The following ANLN variants were observed in gnomAD, a reference collection of about 807,000 sequenced individuals.
The protein encoded by ANLN is anillin, actin binding protein, also known as anillin.
In ANLN, 59 loss-of-function variants were observed where a neutral mutation model predicts 135.1. That is an observed-to-expected ratio of 0.44 (90% CI 0.35 to 0.54). ANLN has a LOEUF of 0.54. Among genes scored for constraint, ANLN ranks in the 20% least tolerant of loss-of-function variants. ANLN has a pLI of 0.00. For missense variants in ANLN, 1,182 were observed against 1,340.0 expected, an observed-to-expected ratio of 0.88 and a Z score of 1.84; for synonymous variants, 406 against 456.4, an observed-to-expected ratio of 0.89 and a Z score of 1.41.
chr7:36,443,561 G>A (rs1459775683), intron 21 of ANLN, among the ~76,000 whole-genome samples, 194 bp from the exon 22 acceptor site: 2 of 152,104 alleles, frequency 1.3e-5, no homozygotes, highest in African/African-American at 4.8e-5. Context: ...TGTAGATGAT[G>A]TTGAAGTAAA....
rs117415578 is a variant in ANLN at position 36,437,035 on chromosome 7, A to G, written c.2884-2169A>G. 8.8e-4 allele frequency among the ~76,000 whole-genome samples: 134 copies of G among 152,302 alleles called. No homozygotes were observed. The East Asian group carries it at 0.01, about 11-fold the overall frequency. ...TTATCTTTTGAAGAAATTTTTAAGT[A>G]TACAGTGAATTATTGTGAACTATAA... is the stretch of plus-strand genomic sequence containing the variant. On this transcript the variant is annotated intron_variant, in intron 20 of 23. Transcript: ENST00000265748.
chr7:36,450,035 C>T (rs1789181629), intron 23 of ANLN, among the ~76,000 whole-genome samples, 198 bp downstream of exon 23: 2 of 152,300 alleles, frequency 1.3e-5, no homozygotes, highest in African/African-American at 4.8e-5. Context: ...GTATAATACT[C>T]AGGTTGTATC....
Position 36,407,829 on chromosome 7 carries a change from T to G in ANLN, c.969T>G (p.Ser323Arg). Reference sequence around the variant, plus strand: ...AGCTACTTCCAAAAACTCCTATTAGTCCTCTGAAAACGGGGGTATCGAAAC... The same window carrying G: ...AGCTACTTCCAAAAACTCCTATTAGGCCTCTGAAAACGGGGGTATCGAAAC... Reference protein sequence around the residue: ...NPELLPKTPISPLKTGVSKPI... With the variant: ...NPELLPKTPIRPLKTGVSKPI... The change falls in exon 5 of 24, where the codon AGT becomes AGG. Residue 323 changes from serine to arginine, a missense_variant. Ser to Arg is a moderately radical substitution (Grantham distance 110). Around this residue, in one of 3 missense-constraint regions of ANLN, gnomAD observed 1,022 missense variants for 1,134.0 expected, o/e 0.90. Coordinates refer to ENST00000265748, the MANE Select transcript of ANLN (RefSeq NM_018685.5). 1 of 1,613,792 alleles carries G rather than the reference T, an allele frequency of 6.2e-7. No homozygotes were observed. Among genetic ancestry groups the G allele is most frequent in the Non-Finnish European group, 8.5e-7 (1 of 1,179,790 alleles).
In ANLN at chr7:36,396,283, C is replaced by A; in HGVS notation, c.36C>A (p.Thr12=). The A allele has an allele frequency of 6.2e-7, 1 of 1,603,262 alleles. No individual in the cohort carries two copies. The highest frequency in any genetic ancestry group is 8.5e-7 in the Non-Finnish European group (1 of 1,172,810). Residue 12 remains threonine (T), a synonymous_variant, in exon 2 of 24, where the codon ACC becomes ACA. Coordinates refer to ENST00000265748, the MANE Select transcript of ANLN (RefSeq NM_018685.5). ...DPFTEKLLER[T]RARRENLQRK... is the part of the protein sequence containing the mutation. Reference sequence around the variant, plus strand: ...TTATGTAGAAACTGCTGGAGCGAACCCGTGCCAGGCGAGAGAATCTTCAGA... The same window carrying A: ...TTATGTAGAAACTGCTGGAGCGAACACGTGCCAGGCGAGAGAATCTTCAGA...
At position 36,398,354 on chromosome 7, in the gene ANLN, T is replaced by G. The variant is rs189202614; in HGVS notation, c.173-725T>G. Among the ~76,000 whole-genome samples the G allele has an allele frequency of 6.3e-4, 96 of 152,302 alleles. No individual in the cohort carries two copies. In the East Asian group the frequency reaches 8.3e-3, roughly 13 times the overall value. Reference sequence around the variant, plus strand: ...AGCCAATTGCCCTTCTAACCATGCTTATTAGTTATTTTCCATGAAAGAATG... The same window carrying G: ...AGCCAATTGCCCTTCTAACCATGCTGATTAGTTATTTTCCATGAAAGAATG... On this transcript the variant is annotated intron_variant, in intron 2 of 23. Coordinates refer to ENST00000265748, the MANE Select transcript of ANLN (RefSeq NM_018685.5).
rs1583670668 is a variant in ANLN, at chr7:36,453,559, C to T, written c.*959C>T. The stretch of plus-strand genomic sequence containing the variant: ...TTAAGTCACCTATCACCTTTAAACG[C>T]CTTTTTTTAAAATTATAAAATATTG... On this transcript the variant is annotated 3_prime_UTR_variant, in exon 24 of 24. Transcript: ENST00000265748. 6.6e-6 allele frequency: 1 copy of T among 152,192 alleles called. No homozygotes were observed. The highest frequency in any genetic ancestry group is 1.9e-4 in the East Asian group (1 of 5,186). 9.4% of individuals were successfully genotyped at this position (152,192 alleles called of 1,614,324 possible).
At position 36,415,769 on chromosome 7, in the gene ANLN, T is replaced by C; in HGVS notation, c.1407T>C (p.Cys469=). ...TTCGCTTTTTGCAGGAAACTCACTG[T>C]CAGAGCACTCCCCTCAAAAAACACC... ...KQLETKQETH[C]QSTPLKKHQG... is the part of the protein sequence containing the mutation. The change falls in exon 8 of 24, where the codon TGT becomes TGC. Residue 469 remains cysteine (C), a synonymous_variant. Coordinates refer to ENST00000265748, the MANE Select transcript of ANLN (RefSeq NM_018685.5). 1 of 1,595,614 alleles carries C rather than the reference T, an allele frequency of 6.3e-7. No individual in the cohort carries two copies. Among genetic ancestry groups the C allele is most frequent in the South Asian group, 1.2e-5 (1 of 86,704 alleles).
chr7:36,425,154 CT>C (rs111534943), intron 17 of ANLN, among the ~76,000 whole-genome samples: 63 of 146,566 alleles, frequency 4.3e-4, no homozygotes, highest in Middle Eastern at 3.5e-3. Context: ...ATTTTAAAAA[CT>C]TTTTTTTTTT....
intron 2 of ANLN, 39 bp from the exon 3 acceptor site, chr7:36,399,040 T>C (rs1483879102): frequency 6.5e-7 from 1 of 1,532,396 alleles, no homozygotes; most frequent in East Asian, 2.3e-5. Context: ...TGTGAGAAAT[T>C]ACAAATTTGA....
intron 3 of ANLN, among the ~76,000 whole-genome samples, chr7:36,399,798 A>G (rs191880450): frequency 2.0e-5 from 3 of 152,330 alleles, no homozygotes; most frequent in Non-Finnish European, 4.4e-5. Context: ...GAGAAATAAA[A>G]TGTCAAAAAA....
chr7:36,435,599 C>T (rs543194550), intron 20 of ANLN, among the ~76,000 whole-genome samples: 2 of 152,078 alleles, frequency 1.3e-5, no homozygotes, highest in East Asian at 1.9e-4. Context: ...CATGGCCGGG[C>T]GCGGTGGCTC....
Position 36,424,525 on chromosome 7 carries a change from T to C in ANLN, c.2604-20T>C, listed in dbSNP as rs569069887. On this transcript the variant is annotated intron_variant, in intron 15 of 23. Transcript: ENST00000265748. ...TTGAGGTTTTCTCTCAAGGTTTTAC[T>C]TAATGCTTTATTTTTCCAGGCAAGA... 6.3e-7 allele frequency: 1 copy of C among 1,585,762 alleles called. No homozygotes were observed. Among genetic ancestry groups the C allele is most frequent in the East Asian group, 2.3e-5 (1 of 44,344 alleles).
chr7:36,437,125 G>A (rs1483286567), intron 20 of ANLN, among the ~76,000 whole-genome samples: 3 of 152,044 alleles, frequency 2.0e-5, no homozygotes, highest in Admixed American at 1.3e-4. Context: ...TTCTGTACTC[G>A]TGGAACTGCA....
Position 36,447,518 on chromosome 7 carries a change from G to A in ANLN, c.3079-2147G>A, listed in dbSNP as rs373325220. Among the ~76,000 whole-genome samples, 12 of 144,266 alleles carry A rather than the reference G, an allele frequency of 8.3e-5. No individual in the cohort carries two copies. The East Asian group carries it at 1.8e-3, about 21-fold the overall frequency. 94.6% of individuals were successfully genotyped at this position (144,266 alleles called of 152,430 possible). ...CGGCTCACTGCAAGCACCGCCTCCCGGGTTCACGCCATTCTCCTGCCTTAG... is the reference window on the plus strand; with the variant it reads ...CGGCTCACTGCAAGCACCGCCTCCCAGGTTCACGCCATTCTCCTGCCTTAG... On this transcript the variant is annotated intron_variant, in intron 22 of 23. Coordinates refer to ENST00000265748, the MANE Select transcript of ANLN (RefSeq NM_018685.5).
intron 19 of ANLN, 110 bp from the exon 20 acceptor site, chr7:36,426,806 T>C: frequency 1.9e-6 from 1 of 531,694 alleles, no homozygotes; most frequent in Non-Finnish European, 3.2e-6. Context: ...AGGCAGTTTT[T>C]TTTTCTCTGT....
At chr7:36,432,651 G>C (rs1583642547) in intron 20 of ANLN, among the ~76,000 whole-genome samples, 2 of 152,228 alleles carry the variant, frequency 1.3e-5, no homozygotes, top group East Asian at 3.9e-4. Context: ...TTTGTTATTT[G>C]TTTTCTATTT....
intron 21 of ANLN, 121 bp from the exon 22 acceptor site, chr7:36,443,634 C>G: frequency 1.7e-6 from 1 of 592,536 alleles, no homozygotes. Flanking sequence ...AAAAAACATA[C>G]AAATAGGTTT....
rs981004641 is a variant in ANLN at position 36,419,468 on chromosome 7, G to T, written c.1858G>T (p.Val620Leu). The change falls in exon 10 of 24, where the codon GTA becomes TTA. Residue 620 changes from valine to leucine, a missense_variant. Around this residue, in one of 3 missense-constraint regions of ANLN, gnomAD observed 1,022 missense variants for 1,134.0 expected, o/e 0.90. Coordinates refer to ENST00000265748, the MANE Select transcript of ANLN (RefSeq NM_018685.5). ...ACCATTGGCACAAACAGTTGGTGTG[G>T]TAAGTCCAGAGGTAAGAAAAGGCTA... is the stretch of plus-strand genomic sequence containing the variant. ...LAPLAQTVGV[V>L]SPESLVSTPR... is the part of the protein sequence containing the mutation. The T allele has an allele frequency of 1.2e-6, 2 of 1,613,214 alleles. No individual in the cohort carries two copies. The highest frequency in any genetic ancestry group is 1.7e-6 in the Non-Finnish European group (2 of 1,179,940).
Position 36,425,996 on chromosome 7 carries a change from CCT to C in ANLN, c.2749-18_2749-17del. The C allele has an allele frequency of 1.4e-6, 2 of 1,458,094 alleles. No individual in the cohort carries two copies. The highest frequency in any genetic ancestry group is 1.8e-6 in the Non-Finnish European group (2 of 1,087,514). The allele number at this position is 1,458,094 out of a possible 1,614,324, so 90.3% of individuals were successfully genotyped here. A position where few individuals can be genotyped will look rare whatever the true frequency, so the allele number is the denominator to read the frequency against. ...AAATAACTTATGTTTCTTCTTCACA[CCT>C]TTTTTTTTTTTTTTAGAAAAGCAAC... On this transcript the variant is annotated splice_polypyrimidine_tract_variant and intron_variant, in intron 18 of 23. Coordinates refer to ENST00000265748, the MANE Select transcript of ANLN (RefSeq NM_018685.5).
Sources: gnomAD v4.1 joint callset for allele counts (sites outside exome capture counted in the v4.1 genomes callset) on GRCh38, gnomAD v4.1.1 for gene constraint, gnomAD v4.1.1 regional missense constraint, MANE v1.5 for transcripts, NCBI Gene and HGNC (gene_info 2026-07-23, HGNC 2026-07-21) for gene names.